ERBB2: variants seen among roughly 807,000 people sequenced by gnomAD.
The protein encoded by ERBB2 is receptor tyrosine-protein kinase erbB-2.
A neutral mutation model predicts 149.0 loss-of-function variants in ERBB2; 61 were observed. The observed-to-expected ratio is 0.41, with a 90% CI of 0.33 to 0.51. ERBB2 has a LOEUF of 0.51. Among genes scored for constraint, ERBB2 ranks in the 20% least tolerant of loss-of-function variants. The pLI is 0.25. For missense variants in ERBB2, 1,205 were observed against 1,655.1 expected (o/e 0.73, Z 4.72); for synonymous variants, 633 against 678.8 (o/e 0.93, Z 1.05).
chr17:39,699,823 C>T (rs578108865), upstream of ERBB2, among the ~76,000 whole-genome samples: 12 of 152,276 alleles, frequency 7.9e-5, no homozygotes, highest in Middle Eastern at 3.4e-3. Flanking sequence ...AGGGATTCTC[C>T]GAGGAAAAGT....
chr17:39,712,507 A>C, intron 9 of ERBB2, 59 bp downstream of exon 9: 1 of 1,586,508 alleles, frequency 6.3e-7, no homozygotes, highest in Non-Finnish European at 8.6e-7. Context: ...CTGAGGATCC[A>C]GATGTGGCAG....
intron 1 of ERBB2, among the ~76,000 whole-genome samples, chr17:39,703,633 C>T (rs1030540959): frequency 6.6e-6 from 1 of 152,250 alleles, no homozygotes; most frequent in African/African-American, 2.4e-5. Context: ...GTTGCAGGTA[C>T]TGCAGGGCAT....
Position 39,710,344 on chromosome 17 carries a change from G to C in ERBB2, c.764G>C (p.Cys255Ser), listed in dbSNP as rs2145517187. The C allele has an allele frequency of 6.2e-7, 1 of 1,614,122 alleles. No homozygotes were observed. Among genetic ancestry groups the C allele is most frequent in the Non-Finnish European group, 8.5e-7 (1 of 1,180,038 alleles). ...TGPKHSDCLA[C>S]LHFNHSGICE... ...GCCAGCCACCTGTCCCCCCAGGCCT[G>C]CCTCCACTTCAACCACAGTGGCATC... Residue 255 changes from cysteine (C) to serine (S), a missense_variant, in exon 7 of 27, where the codon TGC becomes TCC. By Grantham distance (112) the Cys-to-Ser change is moderately radical. Coordinates refer to ENST00000269571, the MANE Select transcript of ERBB2 (RefSeq NM_004448.4).
At chr17:39,707,366 G>A (rs11655866) in intron 2 of ERBB2, 255 of 424,036 alleles carry the variant, frequency 6.0e-4, no homozygotes, top group African/African-American at 4.4e-3. Context: ...GATGGGATGC[G>A]TCTGTGTTTC....
rs2059810813 is a variant in ERBB2 at position 39,727,096 on chromosome 17, C to T, written c.3159+93C>T. 7.6e-7 allele frequency: 1 copy of T among 1,317,816 alleles called. No individual in the cohort carries two copies. Among genetic ancestry groups the T allele is most frequent in the African/African-American group, 1.5e-5 (1 of 67,990 alleles). The allele number at this position is 1,317,816 out of a possible 1,614,324, so 81.6% of individuals were successfully genotyped here. ...CTTTCTCTGATGTTCCCTCAACTGT[C>T]ACCTCTCAAGGAAACCCCATTATCC... is the stretch of plus-strand genomic sequence containing the variant. On this transcript the variant is annotated intron_variant, in intron 25 of 26. Coordinates refer to ENST00000269571, the MANE Select transcript of ERBB2 (RefSeq NM_004448.4). The surrounding 1 kb of genome is among the most constrained non-coding windows in gnomAD (Gnocchi z 4.3).
chr17:39,715,588 C>A (rs2145644976), intron 11 of ERBB2, 52 bp downstream of exon 11: 1 of 1,583,948 alleles, frequency 6.3e-7, no homozygotes, highest in Non-Finnish European at 8.7e-7. Context: ...AGGGAGGAGT[C>A]CCTGTGGGAA....
Position 39,725,615 on chromosome 17 carries a change from T to C in ERBB2, c.2726-92T>C, listed in dbSNP as rs2143043445. The stretch of plus-strand genomic sequence containing the variant: ...TGGCATCACATCTCCCCCTGCTACC[T>C]GCCATGATGCTAGACTCCTGAGCAG... On this transcript the variant is annotated intron_variant, in intron 22 of 26. Transcript: ENST00000269571. The surrounding 1 kb of genome is among the most constrained non-coding windows in gnomAD (Gnocchi z 4.6). 2.1e-6 allele frequency: 3 copies of C among 1,412,274 alleles called. No individual in the cohort carries two copies. The highest frequency in any genetic ancestry group is 2.9e-6 in the Non-Finnish European group (3 of 1,030,664). 87.5% of individuals were successfully genotyped at this position (1,412,274 alleles called of 1,614,324 possible). A position where few individuals can be genotyped will look rare whatever the true frequency, so the allele number is the denominator to read the frequency against.
At chr17:39,699,425 C>T, upstream of ERBB2, 1 of 806,856 alleles carries the variant, frequency 1.2e-6, no homozygotes, top group African/African-American at 1.7e-5. Flanking sequence ...CGCGCCATTG[C>T]TCTCCAGCCT....
intron 5 of ERBB2, 35 bp downstream of exon 5, chr17:39,709,916 G>A (rs748747074): frequency 2.5e-6 from 4 of 1,595,192 alleles, no homozygotes; most frequent in Non-Finnish European, 3.4e-6. Flanking sequence ...CAGGGAAGGG[G>A]AGGGCTGGGG....
chr17:39,691,556 A>ATATATATATATAT (rs1555611661), upstream of ERBB2, among the ~76,000 whole-genome samples: 2 of 84,200 alleles, frequency 2.4e-5, no homozygotes, highest in African/African-American at 1.0e-4. Flanking sequence ...TAAAAAAAAA[A>ATATATATATATAT]ATATATATAT....
intron 7 of ERBB2, among the ~76,000 whole-genome samples, chr17:39,711,609 GCTGA>G (rs1377134312): frequency 2.0e-5 from 3 of 152,184 alleles, no homozygotes; most frequent in Non-Finnish European, 4.4e-5. Flanking sequence ...TCAGATCCTG[GCTGA>G]CTGTGTTAGG....
Position 39,700,073 on chromosome 17 carries a change from T to G in ERBB2, c.-166T>G, listed in dbSNP as rs550828061. The G allele has an allele frequency of 5.5e-6, 7 of 1,270,714 alleles. No individual in the cohort carries two copies. In the African/African-American group the frequency reaches 6.2e-5, roughly 11 times the overall value. The allele number at this position is 1,270,714 out of a possible 1,614,324, so 78.7% of individuals were successfully genotyped here. ...TTGTGAAGCTGAGATTCCCCTCCATTGGGACCGGAGAAACCAGGGGAGCCC... is the reference window on the plus strand; with the variant it reads ...TTGTGAAGCTGAGATTCCCCTCCATGGGGACCGGAGAAACCAGGGGAGCCC... On this transcript the variant is annotated 5_prime_UTR_variant, in exon 1 of 27. In the 5' UTR this introduces an upstream ATG that the reference lacks. Coordinates refer to ENST00000269571, the MANE Select transcript of ERBB2 (RefSeq NM_004448.4).
At position 39,717,399 on chromosome 17, in the gene ERBB2, C is replaced by G; in HGVS notation, c.1817C>G (p.Pro606Arg). 6.2e-7 allele frequency: 1 copy of G among 1,613,132 alleles called. No individual in the cohort carries two copies. The highest frequency in any genetic ancestry group is 8.5e-7 in the Non-Finnish European group (1 of 1,179,990). The stretch of plus-strand genomic sequence containing the variant: ...GCCCGCTGCCCCAGCGGTGTGAAAC[C>G]TGACCTCTCCTACATGCCCATCTGG... ...CVARCPSGVK[P>R]DLSYMPIWKF... The change falls in exon 15 of 27, where the codon CCT (proline) becomes CGT (arginine). Residue 606 changes from proline to arginine, a missense_variant. Around this residue, in one of 6 missense-constraint regions of ERBB2, gnomAD observed 569 missense variants for 803.5 expected, o/e 0.71. Coordinates refer to ENST00000269571, the MANE Select transcript of ERBB2 (RefSeq NM_004448.4).
Position 39,725,607 on chromosome 17 carries a change from C to T in ERBB2, c.2726-100C>T. The T allele has an allele frequency of 1.5e-6, 2 of 1,375,242 alleles. No individual in the cohort carries two copies. Among genetic ancestry groups the T allele is most frequent in the South Asian group, 1.3e-5 (1 of 74,150 alleles). 85.2% of individuals were successfully genotyped at this position (1,375,242 alleles called of 1,614,324 possible). A position where few individuals can be genotyped will look rare whatever the true frequency, so the allele number is the denominator to read the frequency against. On this transcript the variant is annotated intron_variant, in intron 22 of 26. Coordinates refer to ENST00000269571, the MANE Select transcript of ERBB2 (RefSeq NM_004448.4). The surrounding 1 kb of genome is among the most constrained non-coding windows in gnomAD (Gnocchi z 4.6). ...CTGTCTCCTGGCATCACATCTCCCC[C>T]TGCTACCTGCCATGATGCTAGACTC...
intron 12 of ERBB2, 94 bp downstream of exon 12, chr17:39,716,033 A>G: frequency 7.7e-7 from 1 of 1,292,988 alleles, no homozygotes; most frequent in Admixed American, 2.0e-5. Flanking sequence ...ACTTGTGCAG[A>G]CTGCCCGTCT....
chr17:39,691,956 T>TATA (rs1018221958), upstream of ERBB2, among the ~76,000 whole-genome samples: 7 of 146,450 alleles, frequency 4.8e-5, no homozygotes, highest in Non-Finnish European at 1.0e-4. Flanking sequence ...TATATATATA[T>TATA]ATCTCTTGTG....
chr17:39,713,328 T>A (rs2058923296), intron 9 of ERBB2: 1 of 151,446 alleles, frequency 6.6e-6, no homozygotes. Flanking sequence ...GGTTTCACCA[T>A]GTTGGCAAGG....
chr17:39,700,263 T>G lies in ERBB2; in HGVS notation c.25T>G (p.Trp9Gly). The G allele has an allele frequency of 6.9e-7, 1 of 1,440,898 alleles. No homozygotes were observed. The highest frequency in any genetic ancestry group is 9.1e-7 in the Non-Finnish European group (1 of 1,099,988). The allele number at this position is 1,440,898 out of a possible 1,614,324, so 89.3% of individuals were successfully genotyped here. Residue 9 changes from tryptophan to glycine, a missense_variant, in exon 1 of 27, where the codon TGG becomes GGG. By Grantham distance (184) the Trp-to-Gly change is radical. Around this residue, in one of 6 missense-constraint regions of ERBB2, gnomAD observed 101 missense variants for 95.1 expected, o/e 1.06. Transcript: ENST00000269571. MELAALCR[W>G]GLLLALLPPG... is the part of the protein sequence containing the mutation. ...CATGGAGCTGGCGGCCTTGTGCCGC[T>G]GGGGGCTCCTCCTCGCCCTCTTGCC...
upstream of ERBB2, among the ~76,000 whole-genome samples, chr17:39,694,299 A>G (rs537672340): frequency 2.3e-3 from 129 of 56,286 alleles, 7 homozygotes; most frequent in African/African-American, 6.3e-3. Context: ...ACACATATAT[A>G]TGTGTATATA....
Sources: gnomAD v4.1 joint callset for allele counts (sites outside exome capture counted in the v4.1 genomes callset) on GRCh38, gnomAD v4.1.1 for gene constraint, gnomAD v4.1.1 regional missense constraint, Gnocchi (gnomAD v3.1) non-coding constraint, MANE v1.5 for transcripts, NCBI Gene and HGNC (gene_info 2026-07-23, HGNC 2026-07-21) for gene names.